Variants in BCAS4 observed in about 807,000 individuals in gnomAD.
The protein encoded by BCAS4 is breast carcinoma amplified sequence 4.
In BCAS4, 9 loss-of-function variants were observed where a neutral mutation model predicts 15.7. That is an observed-to-expected ratio of 0.57 (90% CI 0.34 to 1.00). BCAS4 has a LOEUF of 1.00. Ranked by LOEUF, BCAS4 falls within the 50% of genes least tolerant of loss-of-function variation. BCAS4 has a pLI of 0.02. For synonymous variants in BCAS4, 101 were observed against 99.5 expected, an observed-to-expected ratio of 1.02 and a Z score of -0.09; for missense variants, 225 against 239.1, an observed-to-expected ratio of 0.94 and a Z score of 0.39.
chr20:50,795,177 G>T lies in BCAS4; in HGVS notation c.90+4G>T. The T allele has an allele frequency of 6.9e-7, 1 of 1,445,316 alleles. No homozygotes were observed. Among genetic ancestry groups the T allele is most frequent in the African/African-American group, 1.5e-5 (1 of 68,804 alleles). 89.5% of individuals were successfully genotyped at this position (1,445,316 alleles called of 1,614,324 possible). A position where few individuals can be genotyped will look rare whatever the true frequency, so the allele number is the denominator to read the frequency against. ...GACCCCCGAGCCTGGGGCCGAGGTA[G>T]GGGACGGGGCTGTGGAGTTGGAGGA... is the stretch of plus-strand genomic sequence containing the variant. On this transcript the variant is annotated splice_donor_region_variant and intron_variant, in intron 1 of 4. Coordinates refer to ENST00000371608, the MANE Select transcript of BCAS4 (RefSeq NM_198799.4).
intron 2 of BCAS4, among the ~76,000 whole-genome samples, chr20:50,819,182 CA>C (rs200632082): frequency 5.5e-5 from 8 of 146,736 alleles, no homozygotes; most frequent in South Asian, 2.2e-4. Context: ...GATTGTGTCT[CA>C]AAAAAAAAAG....
chr20:50,876,666 T>G lies in BCAS4; in HGVS notation c.*58T>G, dbSNP rs1979970286. ...AGTGACATTGTGTACACACTGCAGCTTGGGGGTTTTTTCTTTGTATTGCTG... is the reference window on the plus strand; with the variant it reads ...AGTGACATTGTGTACACACTGCAGCGTGGGGGTTTTTTCTTTGTATTGCTG... On this transcript the variant is annotated 3_prime_UTR_variant, in exon 5 of 5. Transcript: ENST00000371608. 1 of 1,556,282 alleles carries G rather than the reference T, an allele frequency of 6.4e-7. No homozygotes were observed. The highest frequency in any genetic ancestry group is 2.3e-5 in the East Asian group (1 of 43,886).
chr20:50,841,432 C>T (rs1183680680), intron 3 of BCAS4, among the ~76,000 whole-genome samples: 2 of 152,032 alleles, frequency 1.3e-5, no homozygotes, highest in Non-Finnish European at 2.9e-5. Flanking sequence ...CTGAGACCCC[C>T]GCCCCTGCCC....
chr20:50,834,570 C>T (rs2088384300), intron 3 of BCAS4, among the ~76,000 whole-genome samples: 1 of 152,180 alleles, frequency 6.6e-6, no homozygotes, highest in African/African-American at 2.4e-5. Flanking sequence ...GCTGGGATTA[C>T]AGGCATGAGC....
At chr20:50,847,233 C>T (rs1418430350) in intron 4 of BCAS4, among the ~76,000 whole-genome samples, 4 of 152,092 alleles carry the variant, frequency 2.6e-5, no homozygotes, top group South Asian at 2.1e-4. Flanking sequence ...ATTACAGGCG[C>T]GCACCACAAT....
At chr20:50,805,184 C>T (rs770864808) in intron 1 of BCAS4, among the ~76,000 whole-genome samples, 3 of 152,108 alleles carry the variant, frequency 2.0e-5, no homozygotes, top group Non-Finnish European at 4.4e-5. Context: ...CAACCATCAA[C>T]CACAACCAAT....
chr20:50,812,318 A>T (rs895717749), intron 1 of BCAS4, among the ~76,000 whole-genome samples: 3 of 151,910 alleles, frequency 2.0e-5, no homozygotes, highest in Non-Finnish European at 2.9e-5. Context: ...ATTTTTTAGT[A>T]GAGACGGGGT....
At chr20:50,815,692 C>T (rs546034927) in intron 1 of BCAS4, among the ~76,000 whole-genome samples, 1 of 152,328 alleles carries the variant, frequency 6.6e-6, no homozygotes, top group South Asian at 2.1e-4. Flanking sequence ...TATTTATACT[C>T]CAGCCTGAAA....
intron 4 of BCAS4, among the ~76,000 whole-genome samples, chr20:50,854,707 T>C (rs1169679288): frequency 6.6e-6 from 1 of 152,174 alleles, no homozygotes; most frequent in African/African-American, 2.4e-5. Context: ...TAGGGTGGGC[T>C]GCGAGGATTG....
At chr20:50,801,890 G>A (rs775648558) in intron 1 of BCAS4, among the ~76,000 whole-genome samples, 16 of 152,266 alleles carry the variant, frequency 1.1e-4, no homozygotes, top group Middle Eastern at 3.4e-3. Context: ...GGCCACAGGG[G>A]AAAGATGAGG....
chr20:50,871,381 C>T (rs1270252714), intron 4 of BCAS4, among the ~76,000 whole-genome samples: 16 of 152,234 alleles, frequency 1.1e-4, no homozygotes, highest in South Asian at 2.1e-4. Context: ...CCTGTCCACC[C>T]GCCAGGGCGT....
intron 4 of BCAS4, among the ~76,000 whole-genome samples, chr20:50,862,660 G>A (rs1600898866): frequency 6.6e-6 from 1 of 152,220 alleles, no homozygotes; most frequent in Non-Finnish European, 1.5e-5. Flanking sequence ...GGGCACAGGG[G>A]ACAGTCCAGG....
chr20:50,810,748 G>A (rs982739084), intron 1 of BCAS4, among the ~76,000 whole-genome samples: 3 of 151,888 alleles, frequency 2.0e-5, no homozygotes, highest in East Asian at 3.9e-4. Flanking sequence ...CCGCAACAAC[G>A]CCCGGCTAAT....
chr20:50,836,065 G>A (rs746439686), intron 3 of BCAS4, among the ~76,000 whole-genome samples: 3 of 151,916 alleles, frequency 2.0e-5, no homozygotes, highest in African/African-American at 4.8e-5. Flanking sequence ...TTACAGGCGC[G>A]TGCCACCACA....
chr20:50,828,904 G>A (rs1410684941), intron 2 of BCAS4, among the ~76,000 whole-genome samples: 1 of 152,172 alleles, frequency 6.6e-6, no homozygotes, highest in East Asian at 1.9e-4. Flanking sequence ...CACACTCCAC[G>A]CCAGCATTGT....
In BCAS4 at chr20:50,795,166, G is replaced by A; in HGVS notation, c.83G>A (p.Gly28Glu). The A allele has an allele frequency of 6.9e-7, 1 of 1,452,024 alleles. No individual in the cohort carries two copies. The highest frequency in any genetic ancestry group is 1.3e-5 in the South Asian group (1 of 74,304). The allele number at this position is 1,452,024 out of a possible 1,614,324, so 89.9% of individuals were successfully genotyped here. ...GCGCTCTTCCTGACCCCCGAGCCTG[G>A]GGCCGAGGTAGGGGACGGGGCTGTG... ...ELALFLTPEP[G>E]AEAKEVEETI... The change falls in exon 1 of 5, where the codon GGG becomes GAG. Residue 28 changes from glycine (G) to glutamate (E), a missense_variant. Gly to Glu is a moderately conservative substitution (Grantham distance 98). Coordinates refer to ENST00000371608, the MANE Select transcript of BCAS4 (RefSeq NM_198799.4).
At position 50,877,072 on chromosome 20, in the gene BCAS4, G is replaced by A. The variant is rs6702; in HGVS notation, c.*464G>A. 50,074 of 153,804 alleles carry A rather than the reference G, an allele frequency of 0.33. 8,326 individuals carry two copies. Among genetic ancestry groups the A allele is most frequent in the East Asian group, 0.41 (2,141 of 5,198 alleles). 9.5% of individuals were successfully genotyped at this position (153,804 alleles called of 1,614,324 possible). ...CTCTCTGTGATGGGTTTTTGCACGG[G>A]GTGTGCTCTGCCACTGTGGTGGGTG... On this transcript the variant is annotated 3_prime_UTR_variant, in exon 5 of 5. Coordinates refer to ENST00000371608, the MANE Select transcript of BCAS4 (RefSeq NM_198799.4).
At chr20:50,853,582 G>C (rs1378085309) in intron 4 of BCAS4, among the ~76,000 whole-genome samples, 2 of 151,962 alleles carry the variant, frequency 1.3e-5, no homozygotes, top group Admixed American at 1.3e-4. Flanking sequence ...TTTGGAGGGG[G>C]ATAACCAAGA....
downstream of BCAS4, chr20:50,879,035 G>C (rs1980062494): frequency 1.3e-5 from 2 of 152,038 alleles, no homozygotes; most frequent in Non-Finnish European, 2.9e-5. Context: ...GGACACACGG[G>C]ATGTGTACCT....
Sources: allele counts gnomAD v4.1 joint callset (sites outside exome capture counted in the v4.1 genomes callset), GRCh38; gene constraint gnomAD v4.1.1; transcripts MANE v1.5; gene names NCBI Gene and HGNC (gene_info 2026-07-23, HGNC 2026-07-21).